The following TRPM7 variants were observed in gnomAD, a reference collection of about 807,000 sequenced individuals.
The protein encoded by TRPM7 is transient receptor potential cation channel subfamily M member 7, also known as LTRPC ion channel family member 7.
TRPM7 carries 134 observed loss-of-function variants against 229.7 expected under a neutral mutation model. The observed-to-expected ratio is 0.58, with a 90% CI of 0.51 to 0.67. TRPM7 has a LOEUF of 0.67. Among genes scored for constraint, TRPM7 ranks in the 30% least tolerant of loss-of-function variants. The pLI, the probability that TRPM7 is intolerant of heterozygous loss-of-function variation, is 0.00. For missense variants in TRPM7, 1,901 were observed against 2,210.0 expected, an observed-to-expected ratio of 0.86 and a Z score of 2.80; for synonymous variants, 699 against 715.2, an observed-to-expected ratio of 0.98 and a Z score of 0.36.
chr15:50,678,514 AAAAAT>A (rs1381246184), intron 1 of TRPM7, among the ~76,000 whole-genome samples: 2,077 of 79,290 alleles, frequency 0.026, 48 homozygotes, highest in African/African-American at 0.075. Context: ...TTTAAAAAAA[AAAAAT>A]ATATATATAT....
In TRPM7 at chr15:50,557,234, C is replaced by T. The variant is rs1408949653; in HGVS notation, c.*4444G>A. ...GTAAGCATGTAAGACTACAACATTA[C>T]GACCCATCTCTTCAAGAGGAAGTCT... On this transcript the variant is annotated 3_prime_UTR_variant, in exon 39 of 39. Transcript: ENST00000646667. 3.9e-5 allele frequency: 6 copies of T among 152,166 alleles called. No individual in the cohort carries two copies. The highest frequency in any genetic ancestry group is 8.8e-5 in the Non-Finnish European group (6 of 68,044). 9.4% of individuals were successfully genotyped at this position (152,166 alleles called of 1,614,324 possible).
Position 50,643,460 on chromosome 15 carries a change from C to T in TRPM7, c.415G>A (p.Val139Ile). 2 of 1,614,116 alleles carry T rather than the reference C, an allele frequency of 1.2e-6. No homozygotes were observed. Among genetic ancestry groups the T allele is most frequent in the Non-Finnish European group, 1.7e-6 (2 of 1,180,014 alleles). ...QMELPKLVIS[V>I]HGGMQKFELH... The stretch of plus-strand genomic sequence containing the variant: ...TCAAATTTCTGCATGCCCCCATGTA[C>T]AGAGATAACAAGTTTGGGTAACTCC... The change falls in exon 5 of 39, where the codon GTA becomes ATA. Residue 139 changes from valine to isoleucine, a missense_variant. Around this residue, in one of 8 missense-constraint regions of TRPM7, gnomAD observed 794 missense variants for 881.9 expected, o/e 0.90. Transcript: ENST00000646667.
At chr15:50,619,854 C>T in intron 12 of TRPM7, 56 bp from the exon 13 acceptor site, 1 of 1,446,126 alleles carries the variant, frequency 6.9e-7, no homozygotes, top group Non-Finnish European at 9.5e-7. Flanking sequence ...CTAATTTAAA[C>T]CTTACAGGAT....
chr15:50,636,072 G>A (rs1159532155), intron 7 of TRPM7, among the ~76,000 whole-genome samples: 2 of 150,466 alleles, frequency 1.3e-5, no homozygotes, highest in African/African-American at 4.9e-5. Context: ...ACCTCTAGAA[G>A]AGCAACAACA....
intron 8 of TRPM7, among the ~76,000 whole-genome samples, 175 bp from the exon 9 acceptor site, chr15:50,633,167 G>A (rs945301129): frequency 1.3e-5 from 2 of 152,090 alleles, no homozygotes; most frequent in Non-Finnish European, 2.9e-5. Flanking sequence ...ATGTTAGAAG[G>A]AAAATAAATG....
rs774251958 is a variant in TRPM7, at chr15:50,612,832, TC to T, written c.1771-4del. The T allele has an allele frequency of 6.2e-7, 1 of 1,605,480 alleles. No individual in the cohort carries two copies. Among genetic ancestry groups the T allele is most frequent in the Admixed American group, 1.7e-5 (1 of 58,686 alleles). On this transcript the variant is annotated splice_polypyrimidine_tract_variant and splice_region_variant and intron_variant, in intron 15 of 38. Transcript: ENST00000646667. ...CCTTCTTCCATAACTGTATCAATCT[TC>T]CAGGGAAAATAAAGTTATAAAGCTC...
intron 38 of TRPM7, among the ~76,000 whole-genome samples, chr15:50,566,480 G>A (rs1207002703): frequency 1.3e-5 from 2 of 151,974 alleles, no homozygotes; most frequent in Non-Finnish European, 2.9e-5. Flanking sequence ...GGTAGATCAC[G>A]AGGTCAAGAG....
intron 25 of TRPM7, among the ~76,000 whole-genome samples, chr15:50,592,874 C>A (rs1189925663): frequency 6.6e-6 from 1 of 152,132 alleles, no homozygotes; most frequent in African/African-American, 2.4e-5. Flanking sequence ...ATTCCAATTA[C>A]CCCACATCAA....
intron 21 of TRPM7, among the ~76,000 whole-genome samples, chr15:50,601,318 G>A (rs144421436): frequency 6.6e-6 from 1 of 152,302 alleles, no homozygotes; most frequent in Non-Finnish European, 1.5e-5. Context: ...AAATATGTGA[G>A]TATCAGCTTG....
chr15:50,604,866 C>A lies in TRPM7; in HGVS notation c.2988G>T (p.Met996Ile). 1 of 1,555,232 alleles carries A rather than the reference C, an allele frequency of 6.4e-7. No individual in the cohort carries two copies. The highest frequency in any genetic ancestry group is 8.7e-7 in the Non-Finnish European group (1 of 1,150,716). Residue 996 changes from methionine to isoleucine, a missense_variant and splice_region_variant, in exon 21 of 39, where the codon ATG (methionine) becomes ATT (isoleucine). By Grantham distance (10) the Met-to-Ile change is conservative (BLOSUM62 1). Coordinates refer to ENST00000646667, the MANE Select transcript of TRPM7 (RefSeq NM_017672.6). ...AGPYVMMIGKMVANMFYIVVI... is the reference protein window; with the variant it reads ...AGPYVMMIGKIVANMFYIVVI... ...TATTATCAAACATCTGTCAACTTAC[C>A]ATTTTTCCAATCATCATTACATAAG...
At position 50,575,144 on chromosome 15, in the gene TRPM7, C is replaced by A; in HGVS notation, c.4736-9G>T. The stretch of plus-strand genomic sequence containing the variant: ...CACTGTGACAGGCTCCCCTGCAACA[C>A]AAATGGAAAAAGTTTAAGATTAAAT... On this transcript the variant is annotated splice_polypyrimidine_tract_variant and intron_variant, in intron 33 of 38. Coordinates refer to ENST00000646667, the MANE Select transcript of TRPM7 (RefSeq NM_017672.6). The A allele has an allele frequency of 1.9e-6, 3 of 1,543,340 alleles. No homozygotes were observed. The highest frequency in any genetic ancestry group is 1.2e-5 in the South Asian group (1 of 80,270).
In TRPM7 at chr15:50,635,933, C is replaced by T. The variant is rs565001847; in HGVS notation, c.833-1377G>A. On this transcript the variant is annotated intron_variant, in intron 7 of 38. Transcript: ENST00000646667. ...GGCAGAGGTTGCAGCGAGGTGAGAT[C>T]GGGCCACTGCACAACAGCCAGGGCG... 5.3e-5 allele frequency among the ~76,000 whole-genome samples: 8 copies of T among 151,324 alleles called. No individual in the cohort carries two copies. In the South Asian group the frequency reaches 8.4e-4, roughly 16 times the overall value.
Position 50,632,163 on chromosome 15 carries a change from C to G in TRPM7, c.1132-674G>C, listed in dbSNP as rs371600690. ...AGTCAAAATACAAAAATTAGCCAGG[C>G]ATGGTGGCGTATGCCTGTAGTCGGG... On this transcript the variant is annotated intron_variant, in intron 9 of 38. Coordinates refer to ENST00000646667, the MANE Select transcript of TRPM7 (RefSeq NM_017672.6). Among the ~76,000 whole-genome samples the G allele has an allele frequency of 7.2e-5, 11 of 152,056 alleles. No individual in the cohort carries two copies. The East Asian group carries it at 2.1e-3, about 29-fold the overall frequency.
chr15:50,624,916 T>C (rs939413010), intron 11 of TRPM7, among the ~76,000 whole-genome samples: 1 of 152,214 alleles, frequency 6.6e-6, no homozygotes, highest in Non-Finnish European at 1.5e-5. Context: ...GTACTTAGTC[T>C]TCAGAACTTT....
chr15:50,640,659 A>G (rs890595877), intron 5 of TRPM7, among the ~76,000 whole-genome samples: 1 of 152,108 alleles, frequency 6.6e-6, no homozygotes, highest in African/African-American at 2.4e-5. Flanking sequence ...AGTTGGAGAC[A>G]GGGCCTTTAT....
chr15:50,618,367 G>A (rs187791999), intron 13 of TRPM7, among the ~76,000 whole-genome samples: 4 of 151,858 alleles, frequency 2.6e-5, no homozygotes, highest in Admixed American at 6.6e-5. Flanking sequence ...TCAGGAGATC[G>A]AGACCATCCT....
chr15:50,593,496 G>A, intron 25 of TRPM7, 121 bp downstream of exon 25: 1 of 1,075,584 alleles, frequency 9.3e-7, no homozygotes, highest in Non-Finnish European at 1.3e-6. Flanking sequence ...AATACATCAT[G>A]TAAAACTGTA....
At chr15:50,683,058 T>A (rs898163302) in intron 1 of TRPM7, among the ~76,000 whole-genome samples, 1 of 151,984 alleles carries the variant, frequency 6.6e-6, no homozygotes, top group African/African-American at 2.4e-5. Context: ...AATGTTTTTT[T>A]ATTTTTTTTG....
chr15:50,607,734 A>G (rs1026799428), intron 19 of TRPM7, among the ~76,000 whole-genome samples: 1 of 151,752 alleles, frequency 6.6e-6, no homozygotes, highest in African/African-American at 2.4e-5. Flanking sequence ...TCCTCCCCAA[A>G]CCAAACAGTA....
Sources: allele counts gnomAD v4.1 joint callset (sites outside exome capture counted in the v4.1 genomes callset), GRCh38; gene constraint gnomAD v4.1.1; regional missense constraint gnomAD v4.1.1; transcripts MANE v1.5; gene names NCBI Gene and HGNC (gene_info 2026-07-23, HGNC 2026-07-21).